ZNF157: variants seen among roughly 807,000 people sequenced by gnomAD.
ZNF157 encodes zinc finger protein 157.
A neutral mutation model predicts 9.4 loss-of-function variants in ZNF157; 8 were observed. The ratio of observed to expected loss-of-function variants is 0.85; its 90% CI spans 0.50 to 1.53. The LOEUF (loss-of-function observed/expected upper bound fraction) is 1.53. Ranked by LOEUF, ZNF157 falls within the 40% of genes most tolerant of loss-of-function variation. The pLI is 0.00. For synonymous variants in ZNF157, 120 were observed against 130.8 expected (o/e 0.92, Z 0.56); for missense variants, 316 against 385.2 (o/e 0.82, Z 1.50).
intron 1 of ZNF157, among the ~76,000 whole-genome samples, chrX:47,397,241 CT>C (rs769178786): frequency 0.011 from 877 of 77,698 alleles, 8 homozygotes; most frequent in African/African-American, 0.035. Flanking sequence ...TTTTTTCTTT[CT>C]TTTTTTTTTT....
intron 1 of ZNF157, among the ~76,000 whole-genome samples, chrX:47,409,307 C>T (rs1180505539): frequency 2.7e-5 from 3 of 111,866 alleles, no homozygotes; most frequent in African/African-American, 9.7e-5. Context: ...CACAGAACAG[C>T]ACTTCTGTAT....
chrX:47,386,755 C>T (rs1310786836), intron 1 of ZNF157, among the ~76,000 whole-genome samples: 1 of 111,468 alleles, frequency 9.0e-6, no homozygotes, highest in African/African-American at 3.3e-5. Context: ...CCACGCCACC[C>T]GGCTCCCAAT....
intron 1 of ZNF157, among the ~76,000 whole-genome samples, chrX:47,373,411 G>A (rs2055834477): frequency 9.0e-6 from 1 of 111,075 alleles, no homozygotes; most frequent in African/African-American, 3.3e-5. Flanking sequence ...TGACTTCGAG[G>A]AAATGAAGGC....
In ZNF157 at chrX:47,413,020, C is replaced by A. The variant is rs1334608822; in HGVS notation, c.947C>A (p.Ser316Tyr). ...GGGAAAAACTTCCGTGCAAAGAAAT[C>A]CCTAAATCAGCATCAAAGAATTCAC... ...ECGKNFRAKK[S>Y]LNQHQRIHTG... The change falls in exon 4 of 4, where the codon TCC becomes TAC. Residue 316 changes from serine (S) to tyrosine (Y), a missense_variant. By Grantham distance (144) the Ser-to-Tyr change is moderately radical. This residue lies in a region of ZNF157 where 167 missense variants were observed against 183.6 expected (regional missense o/e 0.91). Transcript: ENST00000377073. 1 of 1,208,438 alleles carries A rather than the reference C, an allele frequency of 8.3e-7. No individual in the cohort carries two copies. Among genetic ancestry groups the A allele is most frequent in the Non-Finnish European group, 1.1e-6 (1 of 894,354 alleles).
intron 1 of ZNF157, among the ~76,000 whole-genome samples, chrX:47,386,446 G>A (rs182884926): frequency 1.8e-5 from 2 of 111,191 alleles, no homozygotes; most frequent in Admixed American, 2.0e-4. Flanking sequence ...ATAAATGAAA[G>A]TATACAGTAT....
intron 1 of ZNF157, among the ~76,000 whole-genome samples, chrX:47,402,896 A>G (rs2055934946): frequency 9.1e-6 from 1 of 109,794 alleles, no homozygotes; most frequent in Non-Finnish European, 1.9e-5. Context: ...ACATGCGTAT[A>G]TTGCAGAGTG....
chrX:47,380,884 C>G (rs1416698682), intron 1 of ZNF157, among the ~76,000 whole-genome samples: 32 of 49,490 alleles, frequency 6.5e-4, no homozygotes, highest in East Asian at 1.9e-3. Context: ...GAAGGAGGAG[C>G]AGGAGGAGGA....
At position 47,410,915 on chromosome X, in the gene ZNF157, G is replaced by A. The variant is rs184522888; in HGVS notation, c.295+140G>A. 84 of 463,489 alleles carry A rather than the reference G, an allele frequency of 1.8e-4. 1 individual carries two copies. The Middle Eastern group carries it at 5.3e-3, about 29-fold the overall frequency. The allele number at this position is 463,489 out of a possible 1,213,427, so 38.2% of individuals were successfully genotyped here. On this transcript the variant is annotated intron_variant, in intron 3 of 3. Transcript: ENST00000377073. ...TAGCTCTTTGAAAATAAGGACGGAAGGTCTACATGCTTCAGATACCAAAGT... is the reference window on the plus strand; with the variant it reads ...TAGCTCTTTGAAAATAAGGACGGAAAGTCTACATGCTTCAGATACCAAAGT...
chrX:47,392,667 G>A (rs780762151), intron 1 of ZNF157, among the ~76,000 whole-genome samples: 3 of 111,664 alleles, frequency 2.7e-5, no homozygotes, highest in African/African-American at 9.7e-5. Flanking sequence ...AATGCATTAC[G>A]GCATCAGTTT....
At chrX:47,403,494 T>C (rs762776631) in intron 1 of ZNF157, among the ~76,000 whole-genome samples, 1 of 109,926 alleles carries the variant, frequency 9.1e-6, no homozygotes, top group East Asian at 2.9e-4. Flanking sequence ...CCACCACACC[T>C]GGCTAATTTA....
chrX:47,385,672 G>A (rs1220452771), intron 1 of ZNF157, among the ~76,000 whole-genome samples: 3 of 108,907 alleles, frequency 2.8e-5, no homozygotes, highest in Non-Finnish European at 3.8e-5. Context: ...GGTTCAAGCC[G>A]TTCTCCTGCT....
chrX:47,407,225 T>C (rs1206835529), intron 1 of ZNF157, among the ~76,000 whole-genome samples: 1 of 112,489 alleles, frequency 8.9e-6, no homozygotes, highest in East Asian at 2.8e-4. Flanking sequence ...TTTACATATG[T>C]TGCTTGATTT....
intron 1 of ZNF157, among the ~76,000 whole-genome samples, chrX:47,373,974 G>A (rs2055836222): frequency 9.1e-6 from 1 of 110,167 alleles, no homozygotes; most frequent in Non-Finnish European, 1.9e-5. Flanking sequence ...GGCATTACAG[G>A]CATGAGCCAC....
At chrX:47,387,919 T>C (rs1290220859) in intron 1 of ZNF157, among the ~76,000 whole-genome samples, 1 of 97,535 alleles carries the variant, frequency 1.0e-5, no homozygotes, top group Non-Finnish European at 2.0e-5. Context: ...AGAATTACAA[T>C]GCTTCTACGG....
At chrX:47,380,643 TG>T (rs979634326) in intron 1 of ZNF157, among the ~76,000 whole-genome samples, 4 of 112,040 alleles carry the variant, frequency 3.6e-5, no homozygotes, top group Admixed American at 9.6e-5. Flanking sequence ...GAGATCTTAT[TG>T]GGAAGCTGCT....
Position 47,412,947 on chromosome X carries a change from C to T in ZNF157, c.874C>T (p.His292Tyr), listed in dbSNP as rs1450887358. ...TFRVKISLTQ[H>Y]HRTHTGEKPY... is the part of the protein sequence containing the mutation. The stretch of plus-strand genomic sequence containing the variant: ...TCGTGTAAAGATATCCCTTACCCAA[C>T]ACCACAGAACTCATACAGGGGAGAA... Residue 292 changes from histidine to tyrosine, a missense_variant, in exon 4 of 4, where the codon CAC becomes TAC. Physicochemically the swap from His to Tyr is moderately conservative, Grantham distance 83. Around this residue, in one of 3 missense-constraint regions of ZNF157, gnomAD observed 167 missense variants for 183.6 expected, o/e 0.91. Coordinates refer to ENST00000377073, the MANE Select transcript of ZNF157 (RefSeq NM_003446.4). 1 of 1,211,044 alleles carries T rather than the reference C, an allele frequency of 8.3e-7. No individual in the cohort carries two copies. The highest frequency in any genetic ancestry group is 1.8e-5 in the South Asian group (1 of 56,843).
At chrX:47,377,749 A>T (rs1268463159) in intron 1 of ZNF157, among the ~76,000 whole-genome samples, 97 of 69,708 alleles carry the variant, frequency 1.4e-3, no homozygotes, top group South Asian at 4.6e-3. Context: ...TTTTTTTTTT[A>T]AAAAAAACCA....
intron 1 of ZNF157, among the ~76,000 whole-genome samples, chrX:47,398,971 C>T: frequency 9.0e-6 from 1 of 111,645 alleles, no homozygotes; most frequent in Non-Finnish European, 1.9e-5. Context: ...TGCACCTGGC[C>T]TGTATTTTTT....
chrX:47,387,909 A>AG (rs2055884855), intron 1 of ZNF157, among the ~76,000 whole-genome samples: 1 of 104,492 alleles, frequency 9.6e-6, no homozygotes, highest in East Asian at 3.0e-4. Flanking sequence ...AAAAAAAAAA[A>AG]GAATTACAAT....
Sources: allele counts gnomAD v4.1 joint callset (sites outside exome capture counted in the v4.1 genomes callset), GRCh38; gene constraint gnomAD v4.1.1; regional missense constraint gnomAD v4.1.1; transcripts MANE v1.5; gene names NCBI Gene and HGNC (gene_info 2026-07-23, HGNC 2026-07-21).